EPB41L3: variants seen among roughly 807,000 people sequenced by gnomAD.
EPB41L3 encodes the protein band 4.1-like protein 3.
Under a neutral mutation model 127.1 loss-of-function variants are expected in EPB41L3, and 57 were observed. That is an observed-to-expected ratio of 0.45 (90% CI 0.36 to 0.56). The LOEUF is 0.56. Ranked by LOEUF, EPB41L3 falls within the 20% of genes least tolerant of loss-of-function variation. EPB41L3 has a pLI of 0.00. For missense variants in EPB41L3, 1,273 were observed against 1,372.2 expected, an observed-to-expected ratio of 0.93 and a Z score of 1.14; for synonymous variants, 572 against 549.5, an observed-to-expected ratio of 1.04 and a Z score of -0.57.
chr18:5,512,461 C>A (rs548121324), intron 1 of EPB41L3, among the ~76,000 whole-genome samples: 1 of 152,028 alleles, frequency 6.6e-6, no homozygotes, highest in African/African-American at 2.4e-5. Flanking sequence ...AGGTCACGAG[C>A]GATCTGACCG....
chr18:5,400,466 T>A, intron 16 of EPB41L3: 1 of 455,268 alleles, frequency 2.2e-6, no homozygotes, highest in Non-Finnish European at 4.4e-6. Context: ...ATGTTGTTGC[T>A]AGATTAAATG....
rs1447100708 is a variant in EPB41L3 at position 5,543,215 on chromosome 18, AC to A, written c.-12+697del. On this transcript the variant is annotated intron_variant, in intron 1 of 22. Coordinates refer to ENST00000341928, the MANE Select transcript of EPB41L3 (RefSeq NM_012307.5). This position sits in a 1 kb window ranked among gnomAD's most constrained non-coding sequence, Gnocchi z 5.2. ...CTTGGACGCTCCCTCCTCCTCCCCC[AC>A]CGGCCGGGGGCCGCTGCCCCAGTTT... 3 of 147,618 alleles carry A rather than the reference AC, an allele frequency of 2.0e-5. No individual in the cohort carries two copies. The highest frequency in any genetic ancestry group is 7.4e-5 in the African/African-American group (3 of 40,620). 9.1% of individuals were successfully genotyped at this position (147,618 alleles called of 1,614,324 possible).
intron 1 of EPB41L3, chr18:5,489,444 C>A: frequency 2.3e-6 from 1 of 433,930 alleles, no homozygotes; most frequent in Non-Finnish European, 4.0e-6. Context: ...AGGCTTTATT[C>A]CTATTAGATT....
chr18:5,593,479 T>C (rs1008026346), intron 3 of EPB41L3, among the ~76,000 whole-genome samples: 4 of 152,154 alleles, frequency 2.6e-5, no homozygotes, highest in Admixed American at 2.0e-4. Context: ...AGAGATCACG[T>C]GCTTCACAAG....
chr18:5,531,445 G>T (rs1174979997), intron 1 of EPB41L3, among the ~76,000 whole-genome samples: 1 of 152,074 alleles, frequency 6.6e-6, no homozygotes, highest in East Asian at 1.9e-4. Flanking sequence ...ACTATAGGTT[G>T]GGCACAGTGG....
At chr18:5,402,449 C>A (rs769374055) in intron 16 of EPB41L3, among the ~76,000 whole-genome samples, 28 of 152,122 alleles carry the variant, frequency 1.8e-4, no homozygotes, top group African/African-American at 6.7e-4. Flanking sequence ...AAACCCCCAG[C>A]GAAACAGTGG....
chr18:5,443,102 T>C (rs1458946512), intron 5 of EPB41L3, among the ~76,000 whole-genome samples: 2 of 152,158 alleles, frequency 1.3e-5, no homozygotes, highest in East Asian at 3.8e-4. Flanking sequence ...TTTTCCTCAT[T>C]AATAGATATG....
chr18:5,443,555 T>C (rs1292319015), intron 5 of EPB41L3, among the ~76,000 whole-genome samples: 1 of 152,204 alleles, frequency 6.6e-6, no homozygotes, highest in Non-Finnish European at 1.5e-5. Context: ...CATTAATAAT[T>C]CAGTTTGGAA....
chr18:5,394,633 C>G (rs1429712018), intron 22 of EPB41L3, 44 bp downstream of exon 22: 1 of 1,502,828 alleles, frequency 6.7e-7, no homozygotes, highest in Non-Finnish European at 9.2e-7. Flanking sequence ...CCCCATGCCT[C>G]ATGCCAGCCT....
chr18:5,629,261 G>A (rs1400394840), upstream of EPB41L3, among the ~76,000 whole-genome samples: 1 of 152,076 alleles, frequency 6.6e-6, no homozygotes, highest in Non-Finnish European at 1.5e-5. Flanking sequence ...GGGAGCTGGA[G>A]CTGGAGGAGA....
intron 3 of EPB41L3, among the ~76,000 whole-genome samples, chr18:5,468,249 A>G (rs2085375212): frequency 6.6e-6 from 1 of 152,090 alleles, no homozygotes; most frequent in Admixed American, 6.5e-5. Context: ...GGCACCCTGG[A>G]TGACATGTAG....
Position 5,441,185 on chromosome 18 carries a change from A to T in EPB41L3, c.529+2653T>A, listed in dbSNP as rs186048744. Reference sequence around the variant, plus strand: ...GGGATTACAGGCATGAAGTTTTAGAATTTTCTATTTATCATAAATTTGGAC... The same window carrying T: ...GGGATTACAGGCATGAAGTTTTAGATTTTTCTATTTATCATAAATTTGGAC... On this transcript the variant is annotated intron_variant, in intron 5 of 22. Transcript: ENST00000341928. Among the ~76,000 whole-genome samples the T allele has an allele frequency of 1.5e-3, 221 of 152,062 alleles. 3 individuals are homozygous for T. The highest frequency in any genetic ancestry group is 0.011 in the Admixed American group (165 of 15,256).
intron 2 of EPB41L3, among the ~76,000 whole-genome samples, chr18:5,612,947 G>A (rs1044898943): frequency 1.3e-5 from 2 of 152,122 alleles, no homozygotes; most frequent in African/African-American, 2.4e-5. Context: ...CACCATGTTG[G>A]CCAGGCTGGT....
Position 5,604,707 on chromosome 18 carries a change from G to A in EPB41L3, c.-306+7633C>T, listed in dbSNP as rs552224794. On this transcript the variant is annotated intron_variant, in intron 3 of 21. Coordinates refer to the EPB41L3 transcript ENST00000545076. The stretch of plus-strand genomic sequence containing the variant: ...GGCCTCAAGTGATCTGCCCACCTTG[G>A]CCTCCCAAAGTACTGGGATTATAGG... Among the ~76,000 whole-genome samples, 134 of 152,234 alleles carry A rather than the reference G, an allele frequency of 8.8e-4. 1 individual carries two copies. Among genetic ancestry groups the A allele is most frequent in the Admixed American group, 4.1e-3 (63 of 15,272 alleles).
At position 5,468,272 on chromosome 18, in the gene EPB41L3, G is replaced by A. The variant is rs536296808; in HGVS notation, c.381+9969C>T. Among the ~76,000 whole-genome samples, 5 of 152,286 alleles carry A rather than the reference G, an allele frequency of 3.3e-5. No homozygotes were observed. In the South Asian group the frequency reaches 1.0e-3, roughly 32 times the overall value. ...GGATGACATGTAGATGGTGACAGGA[G>A]GCCGGCAGGCTCCTGGCAGAAAGGG... On this transcript the variant is annotated intron_variant, in intron 3 of 22. Transcript: ENST00000341928.
chr18:5,608,495 T>G (rs574087694), intron 3 of EPB41L3, among the ~76,000 whole-genome samples: 2 of 152,256 alleles, frequency 1.3e-5, no homozygotes, highest in South Asian at 4.2e-4. Context: ...AGTAAAACCC[T>G]GTTGTTCTTG....
upstream of EPB41L3, among the ~76,000 whole-genome samples, chr18:5,545,912 TG>T (rs2149109211): frequency 6.9e-6 from 1 of 144,018 alleles, no homozygotes; most frequent in African/African-American, 2.8e-5. Flanking sequence ...TGTGTGTGTG[TG>T]TGTGTAGCAC....
In EPB41L3 at chr18:5,428,364, T is replaced by C. The variant is rs2078523977; in HGVS notation, c.1014A>G (p.Leu338=). 1.9e-6 allele frequency: 3 copies of C among 1,614,212 alleles called. No homozygotes were observed. The highest frequency in any genetic ancestry group is 1.1e-5 in the South Asian group (1 of 91,088). The change falls in exon 9 of 23, where the codon CTA becomes CTG. Residue 338 remains leucine (L), a synonymous_variant. Transcript: ENST00000341928. ...RINRFAWPKV[L]KISYKRNNFY... ...AGTTGTTCCGTTTGTATGAAATCTT[T>C]AGAACCTTGGGCCAGGCAAATCTGT...
chr18:5,503,687 C>T (rs1442283848), intron 1 of EPB41L3, among the ~76,000 whole-genome samples: 3 of 152,172 alleles, frequency 2.0e-5, no homozygotes, highest in Non-Finnish European at 4.4e-5. Flanking sequence ...AAACAAAAGA[C>T]CATTCCCTAG....
Sources: gnomAD v4.1 joint callset for allele counts (sites outside exome capture counted in the v4.1 genomes callset) on GRCh38, gnomAD v4.1.1 for gene constraint, Gnocchi (gnomAD v3.1) non-coding constraint, MANE v1.5 for transcripts, NCBI Gene and HGNC (gene_info 2026-07-23, HGNC 2026-07-21) for gene names.